The following CEP97 variants were observed in gnomAD, a reference collection of about 807,000 sequenced individuals.
The protein encoded by CEP97 is centrosomal protein 97, also known as centrosomal protein of 97 kDa.
Under a neutral mutation model 73.1 loss-of-function variants are expected in CEP97, and 43 were observed. The ratio of observed to expected loss-of-function variants is 0.59; its 90% CI spans 0.46 to 0.76. The LOEUF (loss-of-function observed/expected upper bound fraction) is 0.76, where lower values mean the gene tolerates loss of function less well. Ranked by LOEUF, CEP97 falls within the 30% of genes least tolerant of loss-of-function variation. The pLI is 0.00. For synonymous variants in CEP97, 337 were observed against 370.0 expected, an observed-to-expected ratio of 0.91 and a Z score of 1.02; for missense variants, 939 against 1,014.0, an observed-to-expected ratio of 0.93 and a Z score of 1.00.
In CEP97 at chr3:101,758,096, A is replaced by T; in HGVS notation, c.1490A>T (p.Asp497Val). 1 of 1,614,248 alleles carries T rather than the reference A, an allele frequency of 6.2e-7. No homozygotes were observed. Among genetic ancestry groups the T allele is most frequent in the Non-Finnish European group, 8.5e-7 (1 of 1,180,050 alleles). Residue 497 changes from aspartate to valine, a missense_variant, in exon 9 of 11, where the codon GAT (aspartate) becomes GTT (valine). Transcript: ENST00000341893. ...PTIISAILKD[D>V]NHSLTFFPES... The stretch of plus-strand genomic sequence containing the variant: ...ATAATCAGTGCTATCTTGAAGGATG[A>T]TAACCACAGTCTTACATTTTTTCCT...
At chr3:101,732,030 A>T (rs1009488845) in intron 5 of CEP97, 77 bp downstream of exon 5, 26 of 803,804 alleles carry the variant, frequency 3.2e-5, no homozygotes, top group Admixed American at 4.3e-5. Flanking sequence ...TTGTGAGCTT[A>T]CTTTTAGACT....
intron 6 of CEP97, among the ~76,000 whole-genome samples, chr3:101,748,588 C>T (rs1237987651): frequency 1.3e-5 from 2 of 152,162 alleles, no homozygotes; most frequent in East Asian, 3.9e-4. Flanking sequence ...GAGCAGATTT[C>T]ATGAAGATTC....
chr3:101,760,492 A>C (rs879367028), intron 9 of CEP97, among the ~76,000 whole-genome samples: 2 of 152,180 alleles, frequency 1.3e-5, no homozygotes. Flanking sequence ...GAGCAGGGGA[A>C]GGGCAAGAGA....
intron 6 of CEP97, among the ~76,000 whole-genome samples, chr3:101,752,017 G>T (rs963600873): frequency 6.6e-6 from 1 of 152,160 alleles, no homozygotes; most frequent in Non-Finnish European, 1.5e-5. Context: ...GCATGATTTT[G>T]CAGTGGCTGG....
intron 7 of CEP97, among the ~76,000 whole-genome samples, chr3:101,755,855 G>C (rs62284198): frequency 6.6e-6 from 1 of 151,848 alleles, no homozygotes; most frequent in Non-Finnish European, 1.5e-5. Flanking sequence ...CAGCAGTGCA[G>C]TCATAGGTCA....
intron 9 of CEP97, 111 bp from the exon 10 acceptor site, chr3:101,762,374 C>T (rs964424431): frequency 2.0e-6 from 1 of 502,894 alleles, no homozygotes; most frequent in Non-Finnish European, 3.5e-6. Flanking sequence ...GTGGGAAAGA[C>T]AACTATTAGA....
At chr3:101,733,220 C>G (rs922906081) in intron 6 of CEP97, among the ~76,000 whole-genome samples, 2 of 152,168 alleles carry the variant, frequency 1.3e-5, no homozygotes, top group Non-Finnish European at 2.9e-5. Context: ...TTTTGTTAAT[C>G]AGTTGTTTGG....
chr3:101,752,530 A>G (rs1938866086), intron 6 of CEP97, among the ~76,000 whole-genome samples: 1 of 152,208 alleles, frequency 6.6e-6, no homozygotes, highest in African/African-American at 2.4e-5. Flanking sequence ...TTTCAGGTAC[A>G]CTAATCAGAC....
At chr3:101,751,483 T>C (rs1938818618) in intron 6 of CEP97, among the ~76,000 whole-genome samples, 1 of 152,322 alleles carries the variant, frequency 6.6e-6, no homozygotes, top group African/African-American at 2.4e-5. Flanking sequence ...ACTTTCTGTC[T>C]AGTTGATCTG....
chr3:101,727,358 A>G (rs1937926308), intron 2 of CEP97, 25 bp from the exon 3 acceptor site: 2 of 1,571,872 alleles, frequency 1.3e-6, no homozygotes, highest in African/African-American at 1.4e-5. Context: ...ATTCCTAAAA[A>G]TAACAATATG....
At position 101,724,673 on chromosome 3, in the gene CEP97, A is replaced by C; in HGVS notation, c.-4A>C. 6.2e-7 allele frequency: 1 copy of C among 1,614,202 alleles called. No individual in the cohort carries two copies. Among genetic ancestry groups the C allele is most frequent in the Non-Finnish European group, 8.5e-7 (1 of 1,180,002 alleles). ...TTGCCTGGTATTATTAGCAAGCAGC[A>C]AATATGGCGGTGGCGCGCGTGGACG... On this transcript the variant is annotated 5_prime_UTR_variant, in exon 1 of 11. Coordinates refer to ENST00000341893, the MANE Select transcript of CEP97 (RefSeq NM_024548.4).
intron 6 of CEP97, among the ~76,000 whole-genome samples, chr3:101,741,556 TAAAC>T (rs1480195657): frequency 6.6e-6 from 1 of 152,010 alleles, no homozygotes; most frequent in Non-Finnish European, 1.5e-5. Context: ...ACAAAGAACT[TAAAC>T]AAATTTAAAA....
At chr3:101,731,772 T>G in intron 4 of CEP97, 68 bp from the exon 5 acceptor site, 1 of 795,082 alleles carries the variant, frequency 1.3e-6, no homozygotes, top group Non-Finnish European at 2.2e-6. Context: ...ACCATTTTGG[T>G]GTTGTCACAA....
rs1939356972 is a variant in CEP97, at chr3:101,767,852, G to A, written c.*2301G>A. The stretch of plus-strand genomic sequence containing the variant: ...TGAATGTAGATAAAATGAAAATACT[G>A]TAAATTAGAGTGTAGGAAAACTGGC... On this transcript the variant is annotated 3_prime_UTR_variant, in exon 11 of 11. Coordinates refer to ENST00000341893, the MANE Select transcript of CEP97 (RefSeq NM_024548.4). 6.6e-6 allele frequency: 1 copy of A among 152,156 alleles called. No homozygotes were observed. The highest frequency in any genetic ancestry group is 6.5e-5 in the Admixed American group (1 of 15,276). 9.4% of individuals were successfully genotyped at this position (152,156 alleles called of 1,614,324 possible). A position where few individuals can be genotyped will look rare whatever the true frequency, so the allele number is the denominator to read the frequency against.
At chr3:101,756,679 A>G (rs1389458545) in intron 7 of CEP97, among the ~76,000 whole-genome samples, 1 of 152,026 alleles carries the variant, frequency 6.6e-6, no homozygotes, top group African/African-American at 2.4e-5. Flanking sequence ...TGCCCGACCT[A>G]TTTGTTCTTT....
intron 6 of CEP97, among the ~76,000 whole-genome samples, chr3:101,747,610 G>T (rs1422066332): frequency 6.6e-6 from 1 of 150,532 alleles, no homozygotes; most frequent in Non-Finnish European, 1.5e-5. Context: ...AGGCTGGAGT[G>T]CAGTGGTGCG....
rs138673807 is a variant in CEP97 at position 101,761,478 on chromosome 3, T to C, written c.1818-1007T>C. Among the ~76,000 whole-genome samples the C allele has an allele frequency of 4.7e-3, 715 of 152,172 alleles. 3 individuals carry two copies. The highest frequency in any genetic ancestry group is 0.017 in the African/African-American group (690 of 41,536). ...AGAAAGCCTGGTGCTGAGACTTCATTGAATGGGAGCAGATGGTGGGAGGTC... is the reference window on the plus strand; with the variant it reads ...AGAAAGCCTGGTGCTGAGACTTCATCGAATGGGAGCAGATGGTGGGAGGTC... On this transcript the variant is annotated intron_variant, in intron 9 of 10. Coordinates refer to ENST00000341893, the MANE Select transcript of CEP97 (RefSeq NM_024548.4).
Position 101,765,545 on chromosome 3 carries a change from T to C in CEP97, c.2592T>C (p.Thr864=), listed in dbSNP as rs1383929819. Residue 864 remains threonine (T), a synonymous_variant, in exon 11 of 11, where the codon ACT becomes ACC. Transcript: ENST00000341893. The part of the protein sequence containing the change: ...STFQLLHVGV[T]V Reference sequence around the variant, plus strand: ...TTCAGCTATTGCATGTTGGTGTTACTGTGTAGCATGTCTTTTGGGAGGCAG... The same window carrying C: ...TTCAGCTATTGCATGTTGGTGTTACCGTGTAGCATGTCTTTTGGGAGGCAG... The C allele has an allele frequency of 1.4e-5, 22 of 1,594,596 alleles. No individual in the cohort carries two copies. The highest frequency in any genetic ancestry group is 1.9e-5 in the Non-Finnish European group (22 of 1,166,966).
rs1334544068 is a variant in CEP97 at position 101,727,411 on chromosome 3, G to C, written c.215G>C (p.Arg72Pro). ...QLSVANNRLV[R>P]MMGVAKLTLL... is the part of the protein sequence containing the mutation. ...TCAGTAGCTAATAATCGGCTGGTTC[G>C]GATGATGGGTGTGGCCAAGCTGACG... The change falls in exon 3 of 11, where the codon CGG becomes CCG. Residue 72 changes from arginine (R) to proline (P), a missense_variant. By Grantham distance (103) the Arg-to-Pro change is moderately radical. Transcript: ENST00000341893. 6.2e-7 allele frequency: 1 copy of C among 1,613,244 alleles called. No homozygotes were observed. Among genetic ancestry groups the C allele is most frequent in the Non-Finnish European group, 8.5e-7 (1 of 1,179,614 alleles).
Sources: gnomAD v4.1 joint callset for allele counts (sites outside exome capture counted in the v4.1 genomes callset) on GRCh38, gnomAD v4.1.1 for gene constraint, MANE v1.5 for transcripts, NCBI Gene and HGNC (gene_info 2026-07-23, HGNC 2026-07-21) for gene names.